AOPEP: variants seen among roughly 807,000 people sequenced by gnomAD.
AOPEP encodes the protein aminopeptidase O.
In AOPEP, 77 loss-of-function variants were observed where a neutral mutation model predicts 98.1. The ratio of observed to expected loss-of-function variants is 0.78; its 90% CI spans 0.65 to 0.95. The LOEUF (loss-of-function observed/expected upper bound fraction) is 0.95, where lower values mean the gene tolerates loss of function less well. Ranked by LOEUF, AOPEP falls within the 40% of genes least tolerant of loss-of-function variation. The pLI is 0.00. For synonymous variants in AOPEP, 346 were observed against 365.3 expected (o/e 0.95, Z 0.60); for missense variants, 1,024 against 1,024.7 (o/e 1.00, Z 0.01).
intron 7 of AOPEP, among the ~76,000 whole-genome samples, chr9:94,950,715 T>G (rs2058040181): frequency 6.6e-6 from 1 of 152,260 alleles, no homozygotes; most frequent in Non-Finnish European, 1.5e-5. Flanking sequence ...AGTCCCTGGC[T>G]CAGGCGTGGC....
chr9:94,852,360 T>C (rs2043658494), intron 5 of AOPEP, among the ~76,000 whole-genome samples: 1 of 152,198 alleles, frequency 6.6e-6, no homozygotes, highest in Non-Finnish European at 1.5e-5. Context: ...GATTCAACCC[T>C]AGTTCAATGT....
At chr9:94,956,486 C>T (rs1221885402) in intron 9 of AOPEP, among the ~76,000 whole-genome samples, 1 of 152,198 alleles carries the variant, frequency 6.6e-6, no homozygotes, top group Non-Finnish European at 1.5e-5. Flanking sequence ...TTTTCGCTGT[C>T]CTCCACTCTA....
Position 94,751,845 on chromosome 9 carries a change from A to G in AOPEP, c.-135-7804A>G, listed in dbSNP as rs1053228565. On this transcript the variant is annotated intron_variant, in intron 1 of 16. Transcript: ENST00000375315. ...GCATGATGCTGAGGTTTGGGCTTCTATTGATCCCATCATTCAGACTGTGAA... is the reference window on the plus strand; with the variant it reads ...GCATGATGCTGAGGTTTGGGCTTCTGTTGATCCCATCATTCAGACTGTGAA... Among the ~76,000 whole-genome samples the G allele has an allele frequency of 4.9e-5, 7 of 141,766 alleles. No individual in the cohort carries two copies. The East Asian group carries it at 6.2e-4, about 13-fold the overall frequency. 93.0% of individuals were successfully genotyped at this position (141,766 alleles called of 152,430 possible). A position where few individuals can be genotyped will look rare whatever the true frequency, so the allele number is the denominator to read the frequency against.
chr9:94,794,205 T>C (rs530297840), intron 4 of AOPEP, among the ~76,000 whole-genome samples: 1 of 152,338 alleles, frequency 6.6e-6, no homozygotes, highest in Non-Finnish European at 1.5e-5. Flanking sequence ...AGATGTTCAA[T>C]GGTTTCTAGC....
At chr9:94,856,044 A>G (rs1207082495) in intron 5 of AOPEP, among the ~76,000 whole-genome samples, 1 of 152,192 alleles carries the variant, frequency 6.6e-6, no homozygotes, top group Admixed American at 6.5e-5. Context: ...TGAGGCCACA[A>G]AGCAGCTTTT....
chr9:95,150,048 A>G, the AOPEP span: 1 of 1,614,178 alleles, frequency 6.2e-7, no homozygotes, highest in Non-Finnish European at 8.5e-7. Context: ...TAAGTGGGAC[A>G]CAAACTCGTG....
chr9:94,943,701 T>A (rs1371770189), intron 7 of AOPEP, among the ~76,000 whole-genome samples: 1 of 151,254 alleles, frequency 6.6e-6, no homozygotes, highest in Admixed American at 6.6e-5. Flanking sequence ...GGCAGATCAC[T>A]TGAGGTCAGC....
chr9:95,082,161 G>C lies in AOPEP; in HGVS notation c.2320-414G>C, dbSNP rs565357710. 7.2e-5 allele frequency among the ~76,000 whole-genome samples: 11 copies of C among 152,242 alleles called. No homozygotes were observed. The South Asian group carries it at 2.1e-3, about 29-fold the overall frequency. ...GTGAAGGACTTCCCGGATGAGCTCAGACCAGCTACTCCTAGGGACACACTT... is the reference window on the plus strand; with the variant it reads ...GTGAAGGACTTCCCGGATGAGCTCACACCAGCTACTCCTAGGGACACACTT... On this transcript the variant is annotated intron_variant, in intron 15 of 16. Transcript: ENST00000375315.
At chr9:95,114,180 A>AT in the AOPEP span, 539 of 209,168 alleles carry the variant, frequency 2.6e-3, 5 homozygotes, top group African/African-American at 0.011. Context: ...AAAAGCAAGC[A>AT]TTTAACATTC....
chr9:95,090,871 CTGAAA>C (rs1315962889), downstream of AOPEP, among the ~76,000 whole-genome samples: 1 of 152,192 alleles, frequency 6.6e-6, no homozygotes, highest in Non-Finnish European at 1.5e-5. Context: ...AACCAAAATA[CTGAAA>C]TAATAGCCTC....
chr9:95,021,912 G>T (rs972182146), intron 13 of AOPEP: 10 of 152,242 alleles, frequency 6.6e-5, no homozygotes, highest in South Asian at 2.1e-4. Flanking sequence ...AGGCGAAGAA[G>T]GACTATTTCT....
Position 95,071,703 on chromosome 9 carries a change from G to C in AOPEP, c.2233-8991G>C, listed in dbSNP as rs62579944. ...TGGCTGAGTTCTTAAGAGCTCATCT[G>C]CTCTGTCTCGTGCCTGTAGCCATGT... On this transcript the variant is annotated intron_variant, in intron 14 of 16. Coordinates refer to ENST00000375315, the MANE Select transcript of AOPEP (RefSeq NM_001193329.3). Among the ~76,000 whole-genome samples the C allele has an allele frequency of 2.2e-3, 328 of 152,266 alleles. 1 individual carries two copies. Among genetic ancestry groups the C allele is most frequent in the Admixed American group, 2.2e-3 (34 of 15,296 alleles).
intron 5 of AOPEP, among the ~76,000 whole-genome samples, chr9:94,846,219 A>C (rs1156405149): frequency 6.6e-6 from 1 of 152,184 alleles, no homozygotes; most frequent in Admixed American, 6.5e-5. Flanking sequence ...ATTTGACGTC[A>C]TGAAACTGGA....
At chr9:95,057,824 A>G (rs537755297) in intron 13 of AOPEP, among the ~76,000 whole-genome samples, 2 of 152,300 alleles carry the variant, frequency 1.3e-5, no homozygotes, top group South Asian at 2.1e-4. Context: ...TTTCAAGTCT[A>G]TTCAGAAGAA....
intron 3 of AOPEP, among the ~76,000 whole-genome samples, chr9:94,786,314 G>T (rs1249980062): frequency 6.6e-6 from 1 of 152,222 alleles, no homozygotes; most frequent in Non-Finnish European, 1.5e-5. Flanking sequence ...GAAATTAAGT[G>T]ATGTGCCCAA....
intron 13 of AOPEP, among the ~76,000 whole-genome samples, chr9:95,014,603 C>CTA (rs1049528134): frequency 6.6e-5 from 10 of 152,198 alleles, no homozygotes; most frequent in African/African-American, 2.4e-4. Context: ...AGTAAATAAC[C>CTA]TTTCCCTGAT....
At chr9:95,057,681 CTG>C (rs1332195586) in intron 13 of AOPEP, among the ~76,000 whole-genome samples, 3 of 152,208 alleles carry the variant, frequency 2.0e-5, no homozygotes, top group Non-Finnish European at 4.4e-5. Flanking sequence ...GTTTTATTGT[CTG>C]TGTCCCAAAA....
At chr9:94,767,483 G>A (rs1331323712) in intron 2 of AOPEP, among the ~76,000 whole-genome samples, 1 of 152,200 alleles carries the variant, frequency 6.6e-6, no homozygotes, top group African/African-American at 2.4e-5. Context: ...AAAAGAACCT[G>A]GATGGTGGAA....
chr9:94,768,359 C>A (rs747572627), intron 2 of AOPEP, among the ~76,000 whole-genome samples: 67 of 152,126 alleles, frequency 4.4e-4, no homozygotes, highest in East Asian at 1.2e-3. Context: ...CAAAAAAAAA[C>A]CCCTTTTTCT....
Sources: gnomAD v4.1 joint callset for allele counts (sites outside exome capture counted in the v4.1 genomes callset) on GRCh38, gnomAD v4.1.1 for gene constraint, MANE v1.5 for transcripts, NCBI Gene and HGNC (gene_info 2026-07-23, HGNC 2026-07-21) for gene names.